COL28A1: variants seen among roughly 807,000 people sequenced by gnomAD.
COL28A1 encodes collagen type XXVIII alpha 1 chain.
Under a neutral mutation model 150.2 loss-of-function variants are expected in COL28A1, and 161 were observed. The ratio of observed to expected loss-of-function variants is 1.07; its 90% CI spans 0.94 to 1.22. The LOEUF (loss-of-function observed/expected upper bound fraction) is 1.22. Ranked by LOEUF, COL28A1 falls within the 50% of genes most tolerant of loss-of-function variation. The pLI is 0.00. For synonymous variants in COL28A1, 552 were observed against 469.7 expected, an observed-to-expected ratio of 1.18 and a Z score of -2.26; for missense variants, 1,617 against 1,388.3, an observed-to-expected ratio of 1.16 and a Z score of -2.62.
chr7:7,461,826 G>A (rs547663768), intron 15 of COL28A1, among the ~76,000 whole-genome samples: 3 of 152,228 alleles, frequency 2.0e-5, no homozygotes, highest in Admixed American at 1.3e-4. Context: ...TGAAGACAAA[G>A]GGCATATACT....
chr7:7,418,791 T>C (rs1242367438), intron 26 of COL28A1, among the ~76,000 whole-genome samples: 2 of 151,418 alleles, frequency 1.3e-5, no homozygotes, highest in South Asian at 2.1e-4. Context: ...ACAAGAAAAA[T>C]AGACCCATCT....
In COL28A1 at chr7:7,453,442, TG is replaced by T; in HGVS notation, c.1437del (p.Lys480ArgfsTer4). 2 of 1,189,192 alleles carry T rather than the reference TG, an allele frequency of 1.7e-6. No individual in the cohort carries two copies. Among genetic ancestry groups the T allele is most frequent in the Non-Finnish European group, 2.5e-6 (2 of 791,952 alleles). The allele number at this position is 1,189,192 out of a possible 1,614,324, so 73.7% of individuals were successfully genotyped here. A position where few individuals can be genotyped will look rare whatever the true frequency, so the allele number is the denominator to read the frequency against. On this transcript the variant is annotated frameshift_variant, in exon 17 of 35. Transcript: ENST00000399429. LOFTEE classifies it high-confidence loss of function. Reference sequence around the variant, plus strand: ...TCCGCTCTCATTTACAAAGTTACCTTGGAACCAGGTAAGCCCTGTCCTGCGG... The same window carrying T: ...TCCGCTCTCATTTACAAAGTTACCTTGAACCAGGTAAGCCCTGTCCTGCGG... The part of the protein sequence containing the change: ...QGPAGQGLPG[S>X]KGEVGQMGPT...
intron 7 of COL28A1, among the ~76,000 whole-genome samples, chr7:7,516,124 T>C (rs1781402534): frequency 6.6e-6 from 1 of 152,258 alleles, no homozygotes; most frequent in African/African-American, 2.4e-5. Flanking sequence ...CTAGAGGAGA[T>C]AATGTACACT....
chr7:7,400,975 GGTGT>G (rs60064708), intron 27 of COL28A1, among the ~76,000 whole-genome samples: 12,616 of 118,780 alleles, frequency 0.11, 657 homozygotes, highest in Middle Eastern at 0.17. Context: ...TGGGTATTTG[GGTGT>G]GTGTGTGTGT....
At chr7:7,344,379 T>C in the COL28A1 span, among the ~76,000 whole-genome samples, 101,576 of 151,830 alleles carry the variant, frequency 0.67, 35,580 homozygotes, top group East Asian at 0.87. Context: ...AATCCTCTAA[T>C]GGCTTTTTAG....
chr7:7,457,401 G>T (rs1787254409), intron 15 of COL28A1, among the ~76,000 whole-genome samples: 1 of 152,140 alleles, frequency 6.6e-6, no homozygotes, highest in East Asian at 1.9e-4. Flanking sequence ...ACTCTTGGCA[G>T]AATAGAGTTG....
downstream of COL28A1, among the ~76,000 whole-genome samples, chr7:7,353,692 G>A: frequency 6.6e-6 from 1 of 152,108 alleles, no homozygotes; most frequent in East Asian, 1.9e-4. Context: ...GAAGGAGAAG[G>A]ACACTGCAGA....
intron 16 of COL28A1, among the ~76,000 whole-genome samples, chr7:7,453,804 G>A (rs1220060603): frequency 1.4e-5 from 2 of 138,056 alleles, no homozygotes; most frequent in Non-Finnish European, 2.9e-5. Context: ...TAGGAATGAA[G>A]TGATGTGTGT....
In COL28A1 at chr7:7,526,529, A is replaced by G. The variant is rs17522036; in HGVS notation, c.682-2280T>C. On this transcript the variant is annotated intron_variant, in intron 3 of 34. Coordinates refer to ENST00000399429, the MANE Select transcript of COL28A1 (RefSeq NM_001037763.3). Reference sequence around the variant, plus strand: ...AAAAGAAGTTCAACAGAGGCAGTAAAACAACTAATAATTCAAGTCAAATTG... The same window carrying G: ...AAAAGAAGTTCAACAGAGGCAGTAAGACAACTAATAATTCAAGTCAAATTG... Among the ~76,000 whole-genome samples the G allele has an allele frequency of 3.5e-3, 529 of 152,356 alleles. 3 individuals carry two copies. Among genetic ancestry groups the G allele is most frequent in the Non-Finnish European group, 5.9e-3 (403 of 68,024 alleles).
chr7:7,461,747 TAG>T (rs1229374303), intron 15 of COL28A1, among the ~76,000 whole-genome samples: 1 of 152,068 alleles, frequency 6.6e-6, no homozygotes, highest in Non-Finnish European at 1.5e-5. Flanking sequence ...CAAGTAGAAG[TAG>T]AGTCTGAGCT....
intron 3 of COL28A1, among the ~76,000 whole-genome samples, chr7:7,524,746 T>C (rs980249228): frequency 2.6e-5 from 4 of 152,168 alleles, no homozygotes; most frequent in African/African-American, 7.2e-5. Context: ...TGTTAGATCA[T>C]ATTAAAACTC....
intron 13 of COL28A1, among the ~76,000 whole-genome samples, chr7:7,478,813 G>A (rs370676739): frequency 5.0e-4 from 76 of 152,360 alleles, no homozygotes; most frequent in African/African-American, 1.6e-3. Context: ...TGCCCGGGGC[G>A]GCAGGGCCAG....
chr7:7,490,930 A>G (rs555582304), intron 11 of COL28A1, among the ~76,000 whole-genome samples: 9 of 152,256 alleles, frequency 5.9e-5, no homozygotes, highest in Non-Finnish European at 1.0e-4. Context: ...AAAAATAAAC[A>G]TAATGACTAT....
intron 1 of COL28A1, among the ~76,000 whole-genome samples, chr7:7,534,156 C>T (rs1219824803): frequency 6.6e-6 from 1 of 152,148 alleles, no homozygotes; most frequent in Non-Finnish European, 1.5e-5. Flanking sequence ...ACAGTCTGCT[C>T]CTCACATAGC....
chr7:7,462,056 C>G (rs1293199488), intron 15 of COL28A1, among the ~76,000 whole-genome samples: 1 of 152,176 alleles, frequency 6.6e-6, no homozygotes, highest in Non-Finnish European at 1.5e-5. Context: ...TCATAGGACT[C>G]TGTGCAAACA....
At chr7:7,511,889 T>C (rs758925024) in intron 8 of COL28A1, 1 of 439,198 alleles carries the variant, frequency 2.3e-6, no homozygotes, top group Non-Finnish European at 4.7e-6. Flanking sequence ...TTATCAGTGA[T>C]AGTTTATCAT....
chr7:7,338,751 G>A, the COL28A1 span, among the ~76,000 whole-genome samples: 1 of 152,040 alleles, frequency 6.6e-6, no homozygotes, highest in East Asian at 1.9e-4. Flanking sequence ...TTTACAGTGA[G>A]ACTGTGTAGT....
rs1781386262 is a variant in COL28A1, at chr7:7,515,830, C to G, written c.866G>C (p.Gly289Ala). 9.6e-7 allele frequency: 1 copy of G among 1,040,856 alleles called. No homozygotes were observed. Among genetic ancestry groups the G allele is most frequent in the Non-Finnish European group, 1.5e-6 (1 of 660,728 alleles). 64.5% of individuals were successfully genotyped at this position (1,040,856 alleles called of 1,614,324 possible). A position where few individuals can be genotyped will look rare whatever the true frequency, so the allele number is the denominator to read the frequency against. ...CCAACTTACCTTGTCACCCTTGTAC[C>G]CAGGAATTCCCTAATTTAAAAAGAA... The part of the protein sequence containing the change: ...AGERGPGGIP[G>A]YKGDKGERGE... Residue 289 changes from glycine to alanine, a missense_variant, in exon 8 of 35, where the codon GGG becomes GCG. Gly to Ala is a moderately conservative substitution (Grantham distance 60, BLOSUM62 0). Transcript: ENST00000399429.
At chr7:7,533,005 G>A (rs1782456111) in intron 1 of COL28A1, 93 bp from the exon 2 acceptor site, 6 of 1,272,536 alleles carry the variant, frequency 4.7e-6, no homozygotes, top group South Asian at 2.5e-5. Flanking sequence ...ACTGGCATGT[G>A]ACTGGAAAAA....
Sources: gnomAD v4.1 joint callset for allele counts (sites outside exome capture counted in the v4.1 genomes callset) on GRCh38, gnomAD v4.1.1 for gene constraint, MANE v1.5 for transcripts, NCBI Gene and HGNC (gene_info 2026-07-23, HGNC 2026-07-21) for gene names.